EBF1: variants seen among roughly 807,000 people sequenced by gnomAD.
The protein encoded by EBF1 is transcription factor COE1.
In EBF1, 10 loss-of-function variants were observed where a neutral mutation model predicts 68.4. That is an observed-to-expected ratio of 0.15 (90% CI 0.09 to 0.25). The LOEUF is 0.25. Among genes scored for constraint, EBF1 ranks in the 10% least tolerant of loss-of-function variants. The pLI is 1.00. For synonymous variants in EBF1, 298 were observed against 299.8 expected (o/e 0.99, Z 0.06); for missense variants, 509 against 794.4 (o/e 0.64, Z 4.32).
chr5:158,940,763 G>A (rs867785869), intron 6 of EBF1, among the ~76,000 whole-genome samples: 2 of 6,366 alleles, frequency 3.1e-4, no homozygotes, highest in African/African-American at 8.2e-4. Context: ...TCACCCCACC[G>A]CCCCCCCCCC....
chr5:158,780,744 A>G (rs1021826708), intron 9 of EBF1, among the ~76,000 whole-genome samples: 2 of 152,144 alleles, frequency 1.3e-5, no homozygotes, highest in Admixed American at 6.6e-5. Flanking sequence ...AATCATAATT[A>G]TGGAATAAAA....
chr5:158,943,827 G>C (rs1814034762), intron 6 of EBF1, among the ~76,000 whole-genome samples: 1 of 152,214 alleles, frequency 6.6e-6, no homozygotes, highest in South Asian at 2.1e-4. Context: ...ACTGCTCCAT[G>C]TTTGGGTCAA....
At chr5:158,748,759 G>A (rs890293493) in intron 10 of EBF1, among the ~76,000 whole-genome samples, 7 of 152,154 alleles carry the variant, frequency 4.6e-5, no homozygotes, top group African/African-American at 7.2e-5. Context: ...TCACTGCTCC[G>A]AGTCAGTGGC....
chr5:159,065,271 C>G (rs13181905), intron 6 of EBF1, among the ~76,000 whole-genome samples: 1 of 151,762 alleles, frequency 6.6e-6, no homozygotes, highest in East Asian at 1.9e-4. Flanking sequence ...AGGGAACAAC[C>G]TTTTGACCAT....
chr5:159,004,032 A>T (rs1583852957), intron 6 of EBF1, among the ~76,000 whole-genome samples: 1 of 152,164 alleles, frequency 6.6e-6, no homozygotes, highest in African/African-American at 2.4e-5. Context: ...ATCCCAGCAC[A>T]TTGGGAGGCC....
chr5:158,765,151 T>A (rs1203297915), intron 10 of EBF1, among the ~76,000 whole-genome samples: 1 of 152,154 alleles, frequency 6.6e-6, no homozygotes. Flanking sequence ...ATGCTAGTAA[T>A]TTTATTAAGG....
chr5:158,888,243 T>A (rs1234389893), intron 6 of EBF1, among the ~76,000 whole-genome samples: 5 of 151,994 alleles, frequency 3.3e-5, no homozygotes, highest in African/African-American at 1.2e-4. Context: ...AATTCACTCC[T>A]CATTTTTTAT....
At chr5:159,002,529 T>A (rs577387708) in intron 6 of EBF1, among the ~76,000 whole-genome samples, 1 of 152,350 alleles carries the variant, frequency 6.6e-6, no homozygotes, top group South Asian at 2.1e-4. Context: ...TCCACCCTTT[T>A]CAAGCCAGAG....
At chr5:158,783,760 G>C (rs1050759194) in intron 9 of EBF1, among the ~76,000 whole-genome samples, 10 of 152,214 alleles carry the variant, frequency 6.6e-5, no homozygotes, top group Non-Finnish European at 1.3e-4. Context: ...AGACATGAAG[G>C]TGGTTGAATG....
At chr5:158,759,733 A>C (rs1377092529) in intron 10 of EBF1, among the ~76,000 whole-genome samples, 1 of 151,764 alleles carries the variant, frequency 6.6e-6, no homozygotes, top group Non-Finnish European at 1.5e-5. Flanking sequence ...CTTTCTTAAC[A>C]CTTTTGCCAA....
chr5:158,787,481 T>G (rs1777686739), intron 9 of EBF1, among the ~76,000 whole-genome samples: 1 of 152,188 alleles, frequency 6.6e-6, no homozygotes, highest in Non-Finnish European at 1.5e-5. Context: ...TATTTACTTT[T>G]TTGGCTTGCT....
chr5:158,830,957 A>T (rs1787421372), intron 7 of EBF1, among the ~76,000 whole-genome samples: 1 of 152,188 alleles, frequency 6.6e-6, no homozygotes, highest in African/African-American at 2.4e-5. Context: ...AAGAACAGAC[A>T]CTTCTAAATC....
chr5:158,951,742 GA>G (rs1816050101), intron 6 of EBF1, among the ~76,000 whole-genome samples: 1 of 151,932 alleles, frequency 6.6e-6, no homozygotes, highest in Non-Finnish European at 1.5e-5. Context: ...CAAATAAAAA[GA>G]AAAAAAGCCA....
rs866821828 is a variant in EBF1, at chr5:158,927,414, A to C, written c.555-87304T>G. ...CTTCTTGTGTCCCGGAGCCCCAAAC[A>C]GTGCCTGAAATTCAGTGCTTTCCTC... On this transcript the variant is annotated intron_variant, in intron 6 of 15. Transcript: ENST00000313708. 2.0e-5 allele frequency among the ~76,000 whole-genome samples: 3 copies of C among 152,302 alleles called. No homozygotes were observed. The South Asian group carries it at 6.2e-4, about 32-fold the overall frequency.
At chr5:159,096,902 G>C in intron 2 of EBF1, 72 bp downstream of exon 2, 2 of 1,554,150 alleles carry the variant, frequency 1.3e-6, no homozygotes, top group South Asian at 2.4e-5. Flanking sequence ...GGAAGGGCGC[G>C]CTGCCCAAGG....
chr5:158,702,108 G>T (rs1220446405), intron 15 of EBF1, among the ~76,000 whole-genome samples: 1 of 152,180 alleles, frequency 6.6e-6, no homozygotes, highest in African/African-American at 2.4e-5. Context: ...CAGAACCCTT[G>T]CGGTTGAGTA....
intron 6 of EBF1, among the ~76,000 whole-genome samples, chr5:158,861,576 C>G (rs983614431): frequency 1.3e-5 from 2 of 152,222 alleles, no homozygotes; most frequent in Non-Finnish European, 2.9e-5. Context: ...CAACTTGAAA[C>G]CAATGGCACA....
chr5:158,789,309 G>A (rs928160736), intron 9 of EBF1, among the ~76,000 whole-genome samples: 1 of 152,004 alleles, frequency 6.6e-6, no homozygotes, highest in African/African-American at 2.4e-5. Context: ...AAAATAAATG[G>A]ACACAACTAT....
At chr5:158,783,771 G>A (rs1388618980) in intron 9 of EBF1, among the ~76,000 whole-genome samples, 1 of 152,158 alleles carries the variant, frequency 6.6e-6, no homozygotes, top group Non-Finnish European at 1.5e-5. Flanking sequence ...TGGTTGAATG[G>A]GGCCTCTCCT....
Sources: allele counts gnomAD v4.1 joint callset (sites outside exome capture counted in the v4.1 genomes callset), GRCh38; gene constraint gnomAD v4.1.1; transcripts MANE v1.5; gene names NCBI Gene and HGNC (gene_info 2026-07-23, HGNC 2026-07-21).